The following ITPR2 variants were observed in gnomAD, a reference collection of about 807,000 sequenced individuals.
The protein encoded by ITPR2 is inositol 1,4,5-trisphosphate-gated calcium channel ITPR2.
A neutral mutation model predicts 317.1 loss-of-function variants in ITPR2; 207 were observed. That is an observed-to-expected ratio of 0.65 (90% CI 0.58 to 0.73). The LOEUF (loss-of-function observed/expected upper bound fraction) is 0.73, where lower values mean the gene tolerates loss of function less well. ITPR2 is among the 30% of genes least tolerant of loss of function. The probability of loss-of-function intolerance (pLI) is 0.00; values close to 1 mark genes in which losing one functional copy is unlikely to be tolerated. For synonymous variants in ITPR2, 1,156 were observed against 1,149.1 expected (o/e 1.01, Z -0.12); for missense variants, 2,613 against 3,284.0 (o/e 0.80, Z 4.99).
intron 5 of ITPR2, among the ~76,000 whole-genome samples, chr12:26,718,128 G>C (rs1441878107): frequency 6.6e-6 from 1 of 152,112 alleles, no homozygotes; most frequent in African/African-American, 2.4e-5. Context: ...GAACGTGCAG[G>C]TTTGTTACAT....
intron 1 of ITPR2, among the ~76,000 whole-genome samples, chr12:26,802,143 A>T (rs1473815175): frequency 6.6e-6 from 1 of 152,048 alleles, no homozygotes; most frequent in African/African-American, 2.4e-5. Context: ...TCTACAAAAA[A>T]TTTAAAAATT....
chr12:26,446,313 G>A (rs754545550), intron 45 of ITPR2, among the ~76,000 whole-genome samples: 3 of 152,022 alleles, frequency 2.0e-5, no homozygotes, highest in Non-Finnish European at 4.4e-5. Context: ...ATGGGTATAC[G>A]CATGGAGTAG....
At chr12:26,824,046 A>C (rs1475210582) in intron 1 of ITPR2, among the ~76,000 whole-genome samples, 1 of 152,208 alleles carries the variant, frequency 6.6e-6, no homozygotes, top group Non-Finnish European at 1.5e-5. Context: ...AACCCATTGT[A>C]AGTTGAAAAT....
intron 55 of ITPR2, among the ~76,000 whole-genome samples, chr12:26,344,328 G>C (rs1038266839): frequency 1.8e-4 from 27 of 152,166 alleles, no homozygotes; most frequent in Non-Finnish European, 1.5e-5. Context: ...GGATTCCAGA[G>C]GGGTTGTTGG....
intron 48 of ITPR2, among the ~76,000 whole-genome samples, chr12:26,432,898 C>G (rs1012130714): frequency 6.6e-6 from 1 of 152,142 alleles, no homozygotes; most frequent in Non-Finnish European, 1.5e-5. Flanking sequence ...TTTAATCTCA[C>G]CCACCTCTAA....
intron 9 of ITPR2, among the ~76,000 whole-genome samples, chr12:26,709,432 G>T (rs886838373): frequency 3.3e-5 from 5 of 152,150 alleles, no homozygotes; most frequent in African/African-American, 1.2e-4. Context: ...ATGAAAGAGA[G>T]TCTTTCAAAT....
At chr12:26,553,180 T>C (rs990355665) in intron 36 of ITPR2, among the ~76,000 whole-genome samples, 2 of 152,178 alleles carry the variant, frequency 1.3e-5, no homozygotes, top group African/African-American at 4.8e-5. Flanking sequence ...AATCTATAAA[T>C]GGATCACACC....
intron 49 of ITPR2, 146 bp downstream of exon 49, chr12:26,427,767 T>C (rs1941104109): frequency 2.0e-6 from 1 of 499,444 alleles, no homozygotes. Flanking sequence ...ATTAAAAAAG[T>C]ACAAATTATG....
chr12:26,688,436 G>A (rs1482313807), intron 10 of ITPR2, among the ~76,000 whole-genome samples: 1 of 151,832 alleles, frequency 6.6e-6, no homozygotes, highest in Non-Finnish European at 1.5e-5. Flanking sequence ...GAGAGAGAAA[G>A]GTAAGCATTA....
chr12:26,622,318 C>T lies in ITPR2; in HGVS notation c.3210G>A (p.Pro1070=), dbSNP rs545624357. The change falls in exon 25 of 57, where the codon CCG becomes CCA. Residue 1070 remains proline (P), a synonymous_variant. Transcript: ENST00000381340. ...GCTGCAGGGCTCCAGACAGCAAAGG[C>T]GGGTAGTCGTGCATGATCAGATGAA... The part of the protein sequence containing the change: ...VLIHLIMHDY[P]PLLSGALQLL... The T allele has an allele frequency of 8.7e-6, 14 of 1,613,960 alleles. No individual in the cohort carries two copies. In the South Asian group the frequency reaches 1.1e-4, roughly 13 times the overall value.
chr12:26,828,599 T>C (rs562995640), intron 1 of ITPR2, among the ~76,000 whole-genome samples: 1 of 152,230 alleles, frequency 6.6e-6, no homozygotes, highest in Non-Finnish European at 1.5e-5. Context: ...TTATATTCCA[T>C]GGCCTTAATT....
intron 3 of ITPR2, 44 bp downstream of exon 3, chr12:26,725,606 T>TA: frequency 7.9e-7 from 1 of 1,273,866 alleles, no homozygotes; most frequent in Non-Finnish European, 1.1e-6. Flanking sequence ...ATTATTGCTG[T>TA]ACTTGGTTAG....
At chr12:26,674,273 T>C (rs1368602711) in intron 13 of ITPR2, among the ~76,000 whole-genome samples, 3 of 152,148 alleles carry the variant, frequency 2.0e-5, no homozygotes, top group East Asian at 3.9e-4. Flanking sequence ...GCTGGAGGCA[T>C]CACGCTACCT....
chr12:26,743,240 G>C (rs190663428), intron 2 of ITPR2, among the ~76,000 whole-genome samples: 104 of 152,280 alleles, frequency 6.8e-4, no homozygotes, highest in Non-Finnish European at 1.1e-3. Context: ...TCTATGGTGT[G>C]AGGGTAAAAA....
intron 52 of ITPR2, among the ~76,000 whole-genome samples, chr12:26,406,164 A>C (rs1432034937): frequency 6.6e-6 from 1 of 152,094 alleles, no homozygotes; most frequent in Non-Finnish European, 1.5e-5. Context: ...GGAAGCCAAA[A>C]TGTAGAATGC....
intron 1 of ITPR2, among the ~76,000 whole-genome samples, chr12:26,818,914 T>C (rs1341511178): frequency 6.6e-6 from 1 of 152,216 alleles, no homozygotes; most frequent in Non-Finnish European, 1.5e-5. Context: ...TGTTTGGTGA[T>C]TTGGGTAATA....
intron 10 of ITPR2, among the ~76,000 whole-genome samples, chr12:26,691,199 AT>A (rs1180857731): frequency 6.6e-6 from 1 of 152,202 alleles, no homozygotes; most frequent in Non-Finnish European, 1.5e-5. Context: ...TAAGTATACA[AT>A]TTTTAATGTA....
intron 13 of ITPR2, among the ~76,000 whole-genome samples, chr12:26,673,071 G>A (rs1235046525): frequency 6.6e-6 from 1 of 152,108 alleles, no homozygotes; most frequent in Non-Finnish European, 1.5e-5. Flanking sequence ...CAACCAAAAA[G>A]AGTCCAGGAC....
chr12:26,809,433 CT>C (rs775441124), intron 1 of ITPR2, among the ~76,000 whole-genome samples: 6 of 152,064 alleles, frequency 3.9e-5, no homozygotes, highest in Non-Finnish European at 8.8e-5. Context: ...TTTTTTTAAC[CT>C]GCCCAAATAA....
Sources: gnomAD v4.1 joint callset for allele counts (sites outside exome capture counted in the v4.1 genomes callset) on GRCh38, gnomAD v4.1.1 for gene constraint, MANE v1.5 for transcripts, NCBI Gene and HGNC (gene_info 2026-07-23, HGNC 2026-07-21) for gene names.